The following RAB3A variants were observed in gnomAD, a reference collection of about 807,000 sequenced individuals.
RAB3A encodes the protein RAB3A, member RAS oncogene family, also known as ras-related protein Rab-3A.
A neutral mutation model predicts 19.7 loss-of-function variants in RAB3A; 5 were observed. The observed-to-expected ratio is 0.25, with a 90% confidence interval of 0.13 to 0.53. The LOEUF is 0.53. Among genes scored for constraint, RAB3A ranks in the 20% least tolerant of loss-of-function variants. The pLI, the probability that RAB3A is intolerant of heterozygous loss-of-function variation, is 0.95. For synonymous variants in RAB3A, 119 were observed against 122.1 expected (o/e 0.97, Z 0.17); for missense variants, 189 against 305.6 (o/e 0.62, Z 2.85).
Position 18,202,987 on chromosome 19 carries a change from T to A in RAB3A, c.1-247A>T, listed in dbSNP as rs1324449339. On this transcript the variant is annotated intron_variant, in intron 1 of 4. Transcript: ENST00000222256. This position sits in a 1 kb window ranked among gnomAD's most constrained non-coding sequence, Gnocchi z 4.2. ...GATGGGGACACCCCAGCAGCCCCCT[T>A]CAAGGGGCAGGTGCCCCAGGTGGGG... 8.3e-6 allele frequency: 4 copies of A among 481,658 alleles called. No homozygotes were observed. In the Admixed American group the frequency reaches 1.4e-4, roughly 17 times the overall value. The allele number at this position is 481,658 out of a possible 1,614,324, so 29.8% of individuals were successfully genotyped here.
Position 18,202,366 on chromosome 19 carries a change from C to T in RAB3A, c.228+147G>A. 1.5e-6 allele frequency: 1 copy of T among 679,956 alleles called. No individual in the cohort carries two copies. The highest frequency in any genetic ancestry group is 1.8e-5 in the South Asian group (1 of 55,338). The allele number at this position is 679,956 out of a possible 1,614,324, so 42.1% of individuals were successfully genotyped here. On this transcript the variant is annotated intron_variant, in intron 2 of 4. Transcript: ENST00000222256. This position sits in a 1 kb window ranked among gnomAD's most constrained non-coding sequence, Gnocchi z 4.2. ...GGGAGAACACAGGTGCTGTTTCTGC[C>T]CCGGTACACAGTGGGCACCTTACTG...
rs1967532024 is a variant in RAB3A at position 18,196,906 on chromosome 19, G to GGC, written c.*563_*564insGC. 3.0e-5 allele frequency: 1 copy of GGC among 33,602 alleles called. No individual in the cohort carries two copies. The highest frequency in any genetic ancestry group is 8.2e-5 in the Non-Finnish European group (1 of 12,238). The allele number at this position is 33,602 out of a possible 1,614,324, so 2.1% of individuals were successfully genotyped here. On this transcript the variant is annotated 3_prime_UTR_variant, in exon 5 of 5. Coordinates refer to ENST00000222256, the MANE Select transcript of RAB3A (RefSeq NM_002866.5). ...TGAGGTCAGAACAGGTCTGGTGGGC[G>GGC]GGGGGGGGGGGGGTCCCAGGGTGGT...
Position 18,201,263 on chromosome 19 carries a change from AAAAGAAAG to A in RAB3A, c.229-826_229-819del, listed in dbSNP as rs71164380. 4.5e-4 allele frequency among the ~76,000 whole-genome samples: 55 copies of A among 121,786 alleles called. 1 individual carries two copies. The highest frequency in any genetic ancestry group is 1.4e-3 in the Admixed American group (16 of 11,316). 79.9% of individuals were successfully genotyped at this position (121,786 alleles called of 152,430 possible). A position where few individuals can be genotyped will look rare whatever the true frequency, so the allele number is the denominator to read the frequency against. On this transcript the variant is annotated intron_variant, in intron 2 of 4. Coordinates refer to ENST00000222256, the MANE Select transcript of RAB3A (RefSeq NM_002866.5). Reference sequence around the variant, plus strand: ...AACAATAACAACAAAAAAAAAAAAAAAAAGAAAGAAAGAAAGAAAGAAAGAAAGAAAAC... The same window carrying A: ...AACAATAACAACAAAAAAAAAAAAAAAAAGAAAGAAAGAAAGAAAGAAAAC...
chr19:18,203,935 G>T lies in RAB3A; in HGVS notation c.-40C>A. The T allele has an allele frequency of 6.4e-6, 1 of 156,634 alleles. No individual in the cohort carries two copies. The highest frequency in any genetic ancestry group is 1.5e-4 in the South Asian group (1 of 6,480). 9.7% of individuals were successfully genotyped at this position (156,634 alleles called of 1,614,324 possible). A position where few individuals can be genotyped will look rare whatever the true frequency, so the allele number is the denominator to read the frequency against. ...ATGCAACGGCGACCCTAGCGGCGGT[G>T]ACTTTTTTGGCGGTGGCGGTGACAG... On this transcript the variant is annotated 5_prime_UTR_variant, in exon 1 of 5. Coordinates refer to ENST00000222256, the MANE Select transcript of RAB3A (RefSeq NM_002866.5).
At chr19:18,200,916 C>G (rs896829810) in intron 2 of RAB3A, among the ~76,000 whole-genome samples, 3 of 151,620 alleles carry the variant, frequency 2.0e-5, no homozygotes, top group Non-Finnish European at 4.4e-5. Context: ...GCCTGGGTGA[C>G]AGAGTGAAAC....
At chr19:18,200,282 C>CAAAGA (rs200826110) in intron 3 of RAB3A, 45 bp downstream of exon 3, 3 of 1,497,724 alleles carry the variant, frequency 2.0e-6, no homozygotes, top group Non-Finnish European at 2.8e-6. Context: ...AACCCTCTCT[C>CAAAGA]AAAGAAAAGA....
chr19:18,197,354 G>A lies in RAB3A; in HGVS notation c.*116C>T, dbSNP rs193212410. 6,541 of 920,498 alleles carry A rather than the reference G, an allele frequency of 7.1e-3. 43 individuals are homozygous for A. The highest frequency in any genetic ancestry group is 8.9e-3 in the Non-Finnish European group (5,474 of 612,456). The allele number at this position is 920,498 out of a possible 1,614,324, so 57.0% of individuals were successfully genotyped here. Reference sequence around the variant, plus strand: ...AGCTACAATAATAAATAAGGGTGACGGGCTAAGTCAGGAGCAGGGGTCTTG... The same window carrying A: ...AGCTACAATAATAAATAAGGGTGACAGGCTAAGTCAGGAGCAGGGGTCTTG... On this transcript the variant is annotated 3_prime_UTR_variant, in exon 5 of 5. Coordinates refer to ENST00000222256, the MANE Select transcript of RAB3A (RefSeq NM_002866.5).
chr19:18,200,104 A>T (rs1967587312), intron 3 of RAB3A, among the ~76,000 whole-genome samples: 1 of 151,724 alleles, frequency 6.6e-6, no homozygotes, highest in African/African-American at 2.4e-5. Context: ...AACATGAGGA[A>T]ACCCCATCTC....
chr19:18,202,633 C>G lies in RAB3A; in HGVS notation c.108G>C (p.Thr36=). 1.2e-6 allele frequency: 2 copies of G among 1,614,146 alleles called. No homozygotes were observed. The highest frequency in any genetic ancestry group is 1.7e-6 in the Non-Finnish European group (2 of 1,180,020). ...LIIGNSSVGK[T]SFLFRYADDS... ...CGTCAGCATAGCGGAAGAGGAAGGA[C>G]GTCTTGCCCACGCTGCTGTTGCCGA... is the stretch of plus-strand genomic sequence containing the variant. The change falls in exon 2 of 5, where the codon ACG becomes ACC. Residue 36 remains threonine, a synonymous_variant. Coordinates refer to ENST00000222256, the MANE Select transcript of RAB3A (RefSeq NM_002866.5). This position sits in a 1 kb window ranked among gnomAD's most constrained non-coding sequence, Gnocchi z 4.2.
intron 3 of RAB3A, among the ~76,000 whole-genome samples, chr19:18,199,217 C>T (rs1390234972): frequency 4.0e-5 from 6 of 151,540 alleles, no homozygotes; most frequent in Non-Finnish European, 5.9e-5. Context: ...AGTGCAGTGG[C>T]GCGATCTAGG....
intron 1 of RAB3A, among the ~76,000 whole-genome samples, chr19:18,203,125 G>T (rs910755128): frequency 6.6e-6 from 1 of 152,146 alleles, no homozygotes; most frequent in African/African-American, 2.4e-5. Context: ...CGTGCACCGC[G>T]TGCATGGTCC....
Position 18,197,158 on chromosome 19 carries a change from A to C in RAB3A, c.*312T>G, listed in dbSNP as rs1967538311. The C allele has an allele frequency of 3.7e-6, 1 of 270,454 alleles. No individual in the cohort carries two copies. Among genetic ancestry groups the C allele is most frequent in the Non-Finnish European group, 6.1e-6 (1 of 163,996 alleles). 16.8% of individuals were successfully genotyped at this position (270,454 alleles called of 1,614,324 possible). On this transcript the variant is annotated 3_prime_UTR_variant, in exon 5 of 5. Coordinates refer to ENST00000222256, the MANE Select transcript of RAB3A (RefSeq NM_002866.5). The stretch of plus-strand genomic sequence containing the variant: ...CAACTGACAACTGTGGATGGGGGTG[A>C]ATTTTAAAAAAAGGCGGGGGGGGGG...
At position 18,197,296 on chromosome 19, in the gene RAB3A, C is replaced by T; in HGVS notation, c.*174G>A. ...CTTGGGGCGGGCAGGGGAGCCTGGG[C>T]CCCTGGGGGACATCTTCAATAAATA... On this transcript the variant is annotated 3_prime_UTR_variant, in exon 5 of 5. Coordinates refer to ENST00000222256, the MANE Select transcript of RAB3A (RefSeq NM_002866.5). The T allele has an allele frequency of 1.6e-6, 1 of 638,922 alleles. No individual in the cohort carries two copies. Among genetic ancestry groups the T allele is most frequent in the Non-Finnish European group, 2.6e-6 (1 of 385,522 alleles). The allele number at this position is 638,922 out of a possible 1,614,324, so 39.6% of individuals were successfully genotyped here. A position where few individuals can be genotyped will look rare whatever the true frequency, so the allele number is the denominator to read the frequency against.
intron 1 of RAB3A, among the ~76,000 whole-genome samples, chr19:18,203,491 G>T (rs768752693): frequency 4.6e-5 from 7 of 152,126 alleles, no homozygotes; most frequent in Non-Finnish European, 8.8e-5. Context: ...CTCCACGCGC[G>T]TGCAACGCTC....
intron 2 of RAB3A, among the ~76,000 whole-genome samples, chr19:18,201,721 A>G (rs1967615272): frequency 6.6e-6 from 1 of 152,230 alleles, no homozygotes; most frequent in South Asian, 2.1e-4. Context: ...TGGGAAATAG[A>G]AAATAACGGT....
At chr19:18,197,806 CTTATTGAAGGTACTGACAAATCCCACAG>C in intron 4 of RAB3A, 146 bp from the exon 5 acceptor site, 1 of 414,890 alleles carries the variant, frequency 2.4e-6, no homozygotes, top group Non-Finnish European at 4.4e-6. Flanking sequence ...AGAGAAGAAA[CTTATTGAAGGTACTGACAAATCCCACAG>C]AGAAGCAACA....
At chr19:18,198,133 G>A (rs933159017) in intron 4 of RAB3A, among the ~76,000 whole-genome samples, 2 of 151,912 alleles carry the variant, frequency 1.3e-5, no homozygotes, top group Non-Finnish European at 2.9e-5. Context: ...CCGTGCACTG[G>A]CCCTGGAAGG....
chr19:18,202,766 C>CCCCCTCACGGCTCT lies in RAB3A; in HGVS notation c.1-27_1-26insAGAGCCGTGAGGGG. The CCCCCTCACGGCTCT allele has an allele frequency of 6.3e-7, 1 of 1,587,732 alleles. No individual in the cohort carries two copies. Among genetic ancestry groups the CCCCCTCACGGCTCT allele is most frequent in the Non-Finnish European group, 8.6e-7 (1 of 1,157,798 alleles). ...CTGGGGATACCGGGTGTAGCAGAGCCGTGAGGGGGGCTCTCTCCATCCTCA... is the reference window on the plus strand; with the variant it reads ...CTGGGGATACCGGGTGTAGCAGAGCCCCCCTCACGGCTCTGTGAGGGGGGCTCTCTCCATCCTCA... On this transcript the variant is annotated intron_variant, in intron 1 of 4. Coordinates refer to ENST00000222256, the MANE Select transcript of RAB3A (RefSeq NM_002866.5). The surrounding 1 kb of genome is among the most constrained non-coding windows in gnomAD (Gnocchi z 4.2).
Position 18,200,395 on chromosome 19 carries a change from C to T in RAB3A, c.279G>A (p.Arg93=), listed in dbSNP as rs1341833653. The T allele has an allele frequency of 6.2e-7, 1 of 1,613,960 alleles. No individual in the cohort carries two copies. Among genetic ancestry groups the T allele is most frequent in the Non-Finnish European group, 8.5e-7 (1 of 1,180,000 alleles). Residue 93 remains arginine (R), a synonymous_variant, in exon 3 of 5, where the codon CGG becomes CGA. Transcript: ENST00000222256. ...ACATGAGGATGAAGCCCATAGCGCC[C>T]CGGTAGTATGCGGTGGTGATGGTCC... The part of the protein sequence containing the change: ...RYRTITTAYY[R]GAMGFILMYD...
Sources: gnomAD v4.1 joint callset for allele counts (sites outside exome capture counted in the v4.1 genomes callset) on GRCh38, gnomAD v4.1.1 for gene constraint, Gnocchi (gnomAD v3.1) non-coding constraint, MANE v1.5 for transcripts, NCBI Gene and HGNC (gene_info 2026-07-23, HGNC 2026-07-21) for gene names.